Variants in EP300 observed in about 807,000 individuals in gnomAD.
EP300 encodes the protein histone acetyltransferase p300.
EP300 carries 31 observed loss-of-function variants against 264.0 expected under a neutral mutation model. The observed-to-expected ratio is 0.12, with a 90% CI of 0.09 to 0.16. The LOEUF (loss-of-function observed/expected upper bound fraction) is 0.16, where lower values mean the gene tolerates loss of function less well. EP300 is among the 10% of genes least tolerant of loss of function. The pLI, the probability that EP300 is intolerant of heterozygous loss-of-function variation, is 1.00. For synonymous variants in EP300, 1,340 were observed against 1,045.4 expected (o/e 1.28, Z -5.44); for missense variants, 2,766 against 3,052.9 (o/e 0.91, Z 2.21).
chr22:41,152,200 T>C lies in EP300; in HGVS notation c.2998-6T>C, dbSNP rs2145740533. 1 of 1,613,784 alleles carries C rather than the reference T, an allele frequency of 6.2e-7. No homozygotes were observed. Among genetic ancestry groups the C allele is most frequent in the Non-Finnish European group, 8.5e-7 (1 of 1,179,886 alleles). ...GAATACTAAAAATTCTTACGTTTTC[T>C]TTTAGTCTAAAGTGGAAGACTGTAA... On this transcript the variant is annotated splice_polypyrimidine_tract_variant and splice_region_variant and intron_variant, in intron 15 of 30. Coordinates refer to ENST00000263253, the MANE Select transcript of EP300 (RefSeq NM_001429.4).
chr22:41,097,999 T>G (rs906426931), intron 1 of EP300, among the ~76,000 whole-genome samples: 1 of 82,176 alleles, frequency 1.2e-5, no homozygotes, highest in Non-Finnish European at 3.0e-5. Context: ...CAGCTAAAAA[T>G]TTTTTTTTTT....
At chr22:41,149,199 C>T (rs768730452) in intron 13 of EP300, 24 bp downstream of exon 13, 3 of 1,613,854 alleles carry the variant, frequency 1.9e-6, no homozygotes, top group Non-Finnish European at 1.7e-6. Context: ...GTGGATTTTT[C>T]ACTTATTTTT....
At chr22:41,104,390 A>G (rs2058747183) in intron 1 of EP300, among the ~76,000 whole-genome samples, 1 of 151,884 alleles carries the variant, frequency 6.6e-6, no homozygotes, top group Non-Finnish European at 1.5e-5. Flanking sequence ...CCCCGGTTCA[A>G]GTGATTTTCC....
At chr22:41,099,278 C>A (rs1311245533) in intron 1 of EP300, among the ~76,000 whole-genome samples, 1 of 152,122 alleles carries the variant, frequency 6.6e-6, no homozygotes, top group Admixed American at 6.6e-5. Context: ...CGTGATCCAC[C>A]CACCTCGGCC....
intron 3 of EP300, 47 bp from the exon 4 acceptor site, chr22:41,127,440 T>C (rs1258613464): frequency 1.2e-5 from 20 of 1,608,992 alleles, no homozygotes; most frequent in Non-Finnish European, 1.6e-5. Flanking sequence ...TATTAAGAAA[T>C]AGCACATTAT....
At position 41,117,558 on chromosome 22, in the gene EP300, A is replaced by T; in HGVS notation, c.466A>T (p.Ser156Cys). ...TACGCAGTCAACAGGTATGATGAAC[A>T]GTCCAGTAAATCAGCCTGCCATGGG... ...GPTQSTGMMN[S>C]PVNQPAMGMN... is the part of the protein sequence containing the mutation. The change falls in exon 2 of 31, where the codon AGT (serine) becomes TGT (cysteine). Residue 156 changes from serine to cysteine, a missense_variant. Transcript: ENST00000263253. The T allele has an allele frequency of 1.9e-6, 3 of 1,614,276 alleles. No homozygotes were observed. Among genetic ancestry groups the T allele is most frequent in the Non-Finnish European group, 1.7e-6 (2 of 1,180,048 alleles).
Position 41,162,723 on chromosome 22 carries a change from T to C in EP300, c.3672T>C (p.Thr1224=), listed in dbSNP as rs2059114486. The C allele has an allele frequency of 6.2e-7, 1 of 1,610,080 alleles. No homozygotes were observed. The highest frequency in any genetic ancestry group is 1.3e-5 in the African/African-American group (1 of 74,826). The change falls in exon 21 of 31, where the codon ACT becomes ACC. Residue 1224 remains threonine (T), a splice_region_variant and synonymous_variant. Transcript: ENST00000263253. ...SLGDDPSQPQ[T]TINKEQFSKR... ...CATTGTGTCCCTTTTCTCTCCTTAG[T>C]ACAATAAATAAAGAACAATTTTCCA...
At chr22:41,170,360 A>G in intron 26 of EP300, 46 bp from the exon 27 acceptor site, 1 of 1,576,300 alleles carries the variant, frequency 6.3e-7, no homozygotes, top group African/African-American at 1.3e-5. Context: ...GCCTTCTAGA[A>G]TAGATTATCT....
chr22:41,179,324 AGTT>A lies in EP300; in HGVS notation c.*369_*371del. ...ATTAATGAACATATGTAATATTAAT[AGTT>A]ATTATTTACTGGTGCAGATGGTTGA... On this transcript the variant is annotated 3_prime_UTR_variant, in exon 31 of 31. Coordinates refer to ENST00000263253, the MANE Select transcript of EP300 (RefSeq NM_001429.4). 1 of 253,664 alleles carries A rather than the reference AGTT, an allele frequency of 3.9e-6. No homozygotes were observed. The highest frequency in any genetic ancestry group is 7.7e-6 in the Non-Finnish European group (1 of 129,758). The allele number at this position is 253,664 out of a possible 1,614,324, so 15.7% of individuals were successfully genotyped here.
At chr22:41,174,355 G>C (rs1322588724) in intron 29 of EP300, among the ~76,000 whole-genome samples, 1 of 152,138 alleles carries the variant, frequency 6.6e-6, no homozygotes, top group African/African-American at 2.4e-5. Flanking sequence ...CTTGAACCTG[G>C]GAGGCAGAGG....
At position 41,164,105 on chromosome 22, in the gene EP300, C is replaced by A. The variant is rs770447172; in HGVS notation, c.3781C>A (p.His1261Asn). ...GRKMHQICVL[H>N]HEIIWPAGFV... ...AAAGATGCATCAGATCTGTGTCCTT[C>A]ACCATGAGATCATCTGGCCTGCTGG... The change falls in exon 22 of 31, where the codon CAC (histidine) becomes AAC (asparagine). Residue 1261 changes from histidine (H) to asparagine (N), a missense_variant. By Grantham distance (68) the His-to-Asn change is moderately conservative. Transcript: ENST00000263253. The A allele has an allele frequency of 1.2e-6, 2 of 1,613,984 alleles. No homozygotes were observed. Among genetic ancestry groups the A allele is most frequent in the Non-Finnish European group, 1.7e-6 (2 of 1,180,016 alleles).
chr22:41,170,709 T>G (rs963752466), intron 27 of EP300, 138 bp downstream of exon 27: 1 of 939,436 alleles, frequency 1.1e-6, no homozygotes, highest in South Asian at 1.6e-5. Context: ...TCACGCAGGC[T>G]GGAGTGCAGT....
At chr22:41,152,483 G>A in intron 16 of EP300, 133 bp downstream of exon 16, 1 of 999,788 alleles carries the variant, frequency 1.0e-6, no homozygotes, top group South Asian at 1.6e-5. Flanking sequence ...CCCTGGGCCT[G>A]GTCTCTTCAT....
At chr22:41,173,013 T>G (rs1157683910) in intron 28 of EP300, among the ~76,000 whole-genome samples, 1 of 152,172 alleles carries the variant, frequency 6.6e-6, no homozygotes, top group Non-Finnish European at 1.5e-5. Context: ...TTTTCTGTCT[T>G]TTAAAAACAC....
At chr22:41,132,214 A>G (rs926406548) in intron 6 of EP300, among the ~76,000 whole-genome samples, 2 of 150,312 alleles carry the variant, frequency 1.3e-5, no homozygotes, top group East Asian at 2.0e-4. Flanking sequence ...AAAAAATACT[A>G]TGTAGACATC....
chr22:41,121,374 T>C (rs752116972), intron 2 of EP300, among the ~76,000 whole-genome samples: 6 of 152,180 alleles, frequency 3.9e-5, no homozygotes, highest in Non-Finnish European at 7.3e-5. Context: ...TCTTCCTTAT[T>C]ACATTTAGTG....
intron 1 of EP300, among the ~76,000 whole-genome samples, chr22:41,099,058 G>A (rs540611976): frequency 2.6e-5 from 4 of 152,102 alleles, no homozygotes; most frequent in Admixed American, 1.3e-4. Flanking sequence ...AGATGGTTTG[G>A]GGGTTGTTTT....
rs20551 is a variant in EP300 at position 41,152,004 on chromosome 22, A to G, written c.2989A>G (p.Ile997Val). ...ACCAGCAGATACTCAGCCGGAGGAT[A>G]TTTCAGAGGTGAGAGTAGGGCAATT... The part of the protein sequence containing the change: ...PEPADTQPED[I>V]SESKVEDCKM... Residue 997 changes from isoleucine (I) to valine (V), a missense_variant, in exon 15 of 31, where the codon ATT becomes GTT. Ile to Val is a conservative substitution (Grantham distance 29, BLOSUM62 3). Transcript: ENST00000263253. 0.28 allele frequency: 456,999 copies of G among 1,613,848 alleles called. 71,539 individuals are homozygous for G. Among genetic ancestry groups the G allele is most frequent in the Admixed American group, 0.54 (32,206 of 59,990 alleles).
rs765322847 is a variant in EP300, at chr22:41,129,876, TTTC to T, written c.1169-9_1169-7del. On this transcript the variant is annotated splice_polypyrimidine_tract_variant and intron_variant, in intron 4 of 30. Coordinates refer to ENST00000263253, the MANE Select transcript of EP300 (RefSeq NM_001429.4). ...TTAACCTGCTCTTGAAAAAATATGT[TTTC>T]TTCTCTTTAGTGGCACACTGTGCAT... The T allele has an allele frequency of 6.2e-7, 1 of 1,604,672 alleles. No individual in the cohort carries two copies. The highest frequency in any genetic ancestry group is 8.5e-7 in the Non-Finnish European group (1 of 1,171,742).
Sources: gnomAD v4.1 joint callset for allele counts (sites outside exome capture counted in the v4.1 genomes callset) on GRCh38, gnomAD v4.1.1 for gene constraint, MANE v1.5 for transcripts, NCBI Gene and HGNC (gene_info 2026-07-23, HGNC 2026-07-21) for gene names.